Variants in DGKB observed in about 807,000 individuals in gnomAD.
DGKB encodes the protein 90 kDa diacylglycerol kinase.
A neutral mutation model predicts 114.3 loss-of-function variants in DGKB; 67 were observed. That is an observed-to-expected ratio of 0.59 (90% confidence interval 0.48 to 0.72). DGKB has a LOEUF of 0.72. Ranked by LOEUF, DGKB falls within the 30% of genes least tolerant of loss-of-function variation. The probability of loss-of-function intolerance (pLI) is 0.00; values close to 1 mark genes in which losing one functional copy is unlikely to be tolerated. For synonymous variants in DGKB, 398 were observed against 323.1 expected, an observed-to-expected ratio of 1.23 and a Z score of -2.49; for missense variants, 907 against 975.2, an observed-to-expected ratio of 0.93 and a Z score of 0.93.
chr7:14,612,707 C>A (rs1483391143), intron 16 of DGKB, among the ~76,000 whole-genome samples: 1 of 151,926 alleles, frequency 6.6e-6, no homozygotes, highest in Non-Finnish European at 1.5e-5. Context: ...GGTATAAATG[C>A]ATTTTTGTTT....
chr7:14,943,710 A>C (rs112748804), intron 1 of DGKB, among the ~76,000 whole-genome samples: 2 of 151,886 alleles, frequency 1.3e-5, no homozygotes, highest in African/African-American at 2.4e-5. Context: ...CCGATCATTA[A>C]ATTTTCAAGA....
chr7:14,714,118 G>T (rs548551045), intron 6 of DGKB, among the ~76,000 whole-genome samples: 2 of 150,220 alleles, frequency 1.3e-5, no homozygotes, highest in East Asian at 3.9e-4. Context: ...CACTGATGTA[G>T]GTGCAAGGGT....
intron 1 of DGKB, among the ~76,000 whole-genome samples, chr7:14,933,686 T>C (rs964585232): frequency 6.6e-6 from 1 of 152,166 alleles, no homozygotes; most frequent in Non-Finnish European, 1.5e-5. Flanking sequence ...TAAGGTCTTA[T>C]TAATACATGA....
intron 23 of DGKB, among the ~76,000 whole-genome samples, chr7:14,321,781 A>C (rs1199041991): frequency 6.6e-6 from 1 of 152,148 alleles, no homozygotes; most frequent in Non-Finnish European, 1.5e-5. Context: ...AGAGAGTAAA[A>C]GTTAGAAAAT....
At chr7:14,537,016 C>T (rs1792619088) in intron 20 of DGKB, among the ~76,000 whole-genome samples, 1 of 152,022 alleles carries the variant, frequency 6.6e-6, no homozygotes, top group Admixed American at 6.6e-5. Context: ...CATTTCTATC[C>T]ACAAACTATG....
At chr7:14,685,544 AGT>A (rs1821534643) in intron 9 of DGKB, among the ~76,000 whole-genome samples, 182 bp from the exon 10 acceptor site, 1 of 152,218 alleles carries the variant, frequency 6.6e-6, no homozygotes, top group African/African-American at 2.4e-5. Context: ...GAAATGAGAT[AGT>A]GCTAACAAAT....
chr7:14,482,892 T>C (rs1271384386), intron 20 of DGKB, among the ~76,000 whole-genome samples: 1 of 133,890 alleles, frequency 7.5e-6, no homozygotes, highest in Non-Finnish European at 1.6e-5. Context: ...GATATTGATA[T>C]CTGTAGTGCT....
chr7:14,173,903 A>G (rs180860994), intron 25 of DGKB, among the ~76,000 whole-genome samples: 2 of 152,202 alleles, frequency 1.3e-5, no homozygotes, highest in Non-Finnish European at 2.9e-5. Flanking sequence ...TATAAGTTAC[A>G]TAAAATTTTT....
chr7:14,745,482 T>C (rs1214163816), intron 4 of DGKB, among the ~76,000 whole-genome samples: 1 of 152,218 alleles, frequency 6.6e-6, no homozygotes, highest in Non-Finnish European at 1.5e-5. Flanking sequence ...AGAGAACCTC[T>C]GACCCACTCA....
At position 14,690,770 on chromosome 7, in the gene DGKB, A is replaced by C. The variant is rs929772227; in HGVS notation, c.711+3305T>G. Among the ~76,000 whole-genome samples the C allele has an allele frequency of 8.5e-5, 13 of 152,222 alleles. No homozygotes were observed. The South Asian group carries it at 2.7e-3, about 31-fold the overall frequency. ...TGGAACAGAGTTTACCTCTATATAA[A>C]GTTATTCAACAAAAAAAGTGTTTTA... is the stretch of plus-strand genomic sequence containing the variant. On this transcript the variant is annotated intron_variant, in intron 9 of 25. Coordinates refer to ENST00000402815, the MANE Select transcript of DGKB (RefSeq NM_001350709.2).
chr7:14,475,827 A>G (rs190482829), intron 21 of DGKB, among the ~76,000 whole-genome samples: 2 of 152,226 alleles, frequency 1.3e-5, no homozygotes, highest in East Asian at 3.9e-4. Flanking sequence ...TAGTAGAGCT[A>G]TTAGTAATAA....
chr7:14,189,588 A>G (rs1324381381), intron 23 of DGKB, among the ~76,000 whole-genome samples: 1 of 152,152 alleles, frequency 6.6e-6, no homozygotes, highest in Non-Finnish European at 1.5e-5. Flanking sequence ...AATGGATTAA[A>G]TTTTCCCATT....
chr7:14,701,675 A>C lies in DGKB; in HGVS notation c.516+6T>G. 6.2e-7 allele frequency: 1 copy of C among 1,604,252 alleles called. No individual in the cohort carries two copies. Among genetic ancestry groups the C allele is most frequent in the Non-Finnish European group, 8.5e-7 (1 of 1,171,796 alleles). On this transcript the variant is annotated splice_donor_region_variant and intron_variant, in intron 7 of 25. Coordinates refer to ENST00000402815, the MANE Select transcript of DGKB (RefSeq NM_001350709.2). ...TTTTCACAGAAACTTTGAAGAAAAAAATTACCGAGCTGTCCAGGAAGCCAT... is the reference window on the plus strand; with the variant it reads ...TTTTCACAGAAACTTTGAAGAAAAACATTACCGAGCTGTCCAGGAAGCCAT...
At chr7:14,587,441 T>G (rs10251029) in intron 17 of DGKB, among the ~76,000 whole-genome samples, 1 of 152,114 alleles carries the variant, frequency 6.6e-6, no homozygotes, top group Non-Finnish European at 1.5e-5. Flanking sequence ...AAAGATGCTG[T>G]GAACACTGTC....
At chr7:14,599,406 T>C (rs1417610621) in intron 17 of DGKB, among the ~76,000 whole-genome samples, 2 of 152,198 alleles carry the variant, frequency 1.3e-5, no homozygotes, top group African/African-American at 4.8e-5. Context: ...GGCTTCTTGC[T>C]AATGTTTCCC....
intron 12 of DGKB, 24 bp from the exon 13 acceptor site, chr7:14,673,051 G>T (rs367911510): frequency 4.8e-5 from 69 of 1,425,118 alleles, no homozygotes; most frequent in Non-Finnish European, 6.4e-5. Flanking sequence ...AAGGGGGATA[G>T]TATCAAATTC....
At chr7:14,336,685 T>G (rs183990772) in intron 23 of DGKB, among the ~76,000 whole-genome samples, 1 of 152,240 alleles carries the variant, frequency 6.6e-6, no homozygotes. Flanking sequence ...TTGAGTCTGG[T>G]TTGTTTGTAG....
chr7:14,930,471 A>G (rs1784958729), intron 1 of DGKB, among the ~76,000 whole-genome samples: 2 of 152,044 alleles, frequency 1.3e-5, no homozygotes, highest in Non-Finnish European at 2.9e-5. Flanking sequence ...TTTTATAGCT[A>G]TTGTAAATGG....
chr7:14,425,014 C>A (rs542309707), intron 21 of DGKB, among the ~76,000 whole-genome samples: 8 of 152,132 alleles, frequency 5.3e-5, no homozygotes, highest in Admixed American at 1.3e-4. Flanking sequence ...AGATCTATAA[C>A]TTGGTTGATG....
Sources: allele counts gnomAD v4.1 joint callset (sites outside exome capture counted in the v4.1 genomes callset), GRCh38; gene constraint gnomAD v4.1.1; transcripts MANE v1.5; gene names NCBI Gene and HGNC (gene_info 2026-07-23, HGNC 2026-07-21).